FREM1: variants seen among roughly 807,000 people sequenced by gnomAD.
FREM1 encodes FRAS1 related extracellular matrix 1.
A neutral mutation model predicts 210.1 loss-of-function variants in FREM1; 220 were observed. That is an observed-to-expected ratio of 1.05 (90% CI 0.94 to 1.17). The LOEUF is 1.17. Among genes scored for constraint, FREM1 ranks in the 50% most tolerant of loss-of-function variants. The probability of loss-of-function intolerance (pLI) is 0.00; values close to 1 mark genes in which losing one functional copy is unlikely to be tolerated. For missense variants in FREM1, 3,454 were observed against 2,675.5 expected, an observed-to-expected ratio of 1.29 and a Z score of -6.42; for synonymous variants, 1,189 against 980.2, an observed-to-expected ratio of 1.21 and a Z score of -3.98.
At chr9:14,775,330 A>G (rs982116301) in intron 25 of FREM1, among the ~76,000 whole-genome samples, 3 of 152,182 alleles carry the variant, frequency 2.0e-5, no homozygotes, top group African/African-American at 7.2e-5. Flanking sequence ...TGAGGGGACC[A>G]TATCTCTTTC....
chr9:14,825,547 G>GTGTGTGTGTGTATATATATATATA lies in FREM1; in HGVS notation c.1882-556_1882-555insTATATATATATATACACACACACA. The stretch of plus-strand genomic sequence containing the variant: ...CATATATATATATATGTGTGTGTGT[G>GTGTGTGTGTGTATATATATATATA]TATATATATATATATATATATATAC... On this transcript the variant is annotated intron_variant, in intron 10 of 36. Transcript: ENST00000380880. Among the ~76,000 whole-genome samples the GTGTGTGTGTGTATATATATATATA allele has an allele frequency of 1.6e-3, 118 of 75,848 alleles. 1 individual carries two copies. Among genetic ancestry groups the GTGTGTGTGTGTATATATATATATA allele is most frequent in the Middle Eastern group, 8.1e-3 (1 of 124 alleles). The allele number at this position is 75,848 out of a possible 152,430, so 49.8% of individuals were successfully genotyped here.
intron 1 of FREM1, among the ~76,000 whole-genome samples, chr9:14,880,219 C>A (rs78324738): frequency 2.0e-5 from 3 of 152,016 alleles, no homozygotes; most frequent in African/African-American, 7.3e-5. Context: ...TTTAAGCCAC[C>A]CTGTCTACGG....
At position 14,776,092 on chromosome 9, in the gene FREM1, G is replaced by A; in HGVS notation, c.4554C>T (p.Ala1518=). ...VVTRNKGLRL[A]QGAVGLLSPD... is the part of the protein sequence containing the mutation. ...GGGAAAGCAGGCCCACGGCCCCTTG[G>A]GCCAGTCTCAACCCCTTGTTCCTGG... is the stretch of plus-strand genomic sequence containing the variant. The change falls in exon 25 of 37, where the codon GCC becomes GCT. Residue 1518 remains alanine, a synonymous_variant. Transcript: ENST00000380880. 3 of 1,611,030 alleles carry A rather than the reference G, an allele frequency of 1.9e-6. No individual in the cohort carries two copies. Among genetic ancestry groups the A allele is most frequent in the Non-Finnish European group, 2.5e-6 (3 of 1,177,856 alleles).
chr9:14,871,686 T>C (rs1367991763), intron 1 of FREM1, among the ~76,000 whole-genome samples: 2 of 152,174 alleles, frequency 1.3e-5, no homozygotes, highest in East Asian at 1.9e-4. Flanking sequence ...ATTTTGTCTT[T>C]TGTTTCCATT....
At position 14,842,350 on chromosome 9, in the gene FREM1, C is replaced by T. The variant is rs1364211457; in HGVS notation, c.1704G>A (p.Gly568=). The T allele has an allele frequency of 2.5e-6, 4 of 1,602,676 alleles. No individual in the cohort carries two copies. The highest frequency in any genetic ancestry group is 2.2e-5 in the East Asian group (1 of 44,774). ...CTGGCCCTGGCTTCTTCATGATCTC[C>T]CCAGCCTGTGGAGGCTTTGTGATAT... ...FFNITKPPQA[G]EIMKKPGPGL... is the part of the protein sequence containing the mutation. Residue 568 remains glycine (G), a synonymous_variant, in exon 9 of 37, where the codon GGG becomes GGA. Coordinates refer to ENST00000380880, the MANE Select transcript of FREM1 (RefSeq NM_001379081.2).
chr9:14,750,626 T>A (rs766725959), intron 29 of FREM1, among the ~76,000 whole-genome samples: 2 of 152,198 alleles, frequency 1.3e-5, no homozygotes, highest in Non-Finnish European at 1.5e-5. Context: ...AATCTCAAAA[T>A]CTTAATAGTT....
chr9:14,804,648 G>A (rs1818025492), intron 19 of FREM1, among the ~76,000 whole-genome samples: 1 of 152,000 alleles, frequency 6.6e-6, no homozygotes. Context: ...ACTTCCCAGT[G>A]GTATTATTTC....
Position 14,862,941 on chromosome 9 carries a change from G to T in FREM1, c.329+868C>A, listed in dbSNP as rs1227597260. On this transcript the variant is annotated intron_variant, in intron 3 of 36. Coordinates refer to ENST00000380880, the MANE Select transcript of FREM1 (RefSeq NM_001379081.2). ...AATAATGTTGCATTGAACTTTAAGT[G>T]CAAGTTCTTATGTAAAACATAAGTT... is the stretch of plus-strand genomic sequence containing the variant. Among the ~76,000 whole-genome samples the T allele has an allele frequency of 3.9e-5, 6 of 152,178 alleles. No homozygotes were observed. The East Asian group carries it at 1.2e-3, about 29-fold the overall frequency.
chr9:14,860,834 CGT>C (rs1242619743), intron 3 of FREM1, among the ~76,000 whole-genome samples: 6 of 115,094 alleles, frequency 5.2e-5, no homozygotes, highest in Admixed American at 9.4e-5. Context: ...TACATATATA[CGT>C]ATATATACAT....
chr9:14,884,988 G>T (rs1012191457), intron 1 of FREM1, among the ~76,000 whole-genome samples: 2 of 128,838 alleles, frequency 1.6e-5, no homozygotes, highest in African/African-American at 6.7e-5. Flanking sequence ...GCAGTGGTGC[G>T]ATCTCGGCTC....
At chr9:14,873,658 T>C (rs1165924948) in intron 1 of FREM1, among the ~76,000 whole-genome samples, 1 of 152,216 alleles carries the variant, frequency 6.6e-6, no homozygotes, top group Non-Finnish European at 1.5e-5. Context: ...TTTTTGTGTC[T>C]CTATTTCCTT....
intron 1 of FREM1, among the ~76,000 whole-genome samples, chr9:14,874,598 T>A (rs2131986976): frequency 6.6e-6 from 1 of 151,748 alleles, no homozygotes. Context: ...TACAGCACAC[T>A]GATGGTTCTT....
In FREM1 at chr9:14,740,128, GCCTC is replaced by G; in HGVS notation, c.6340+17_6340+20del. On this transcript the variant is annotated intron_variant, in intron 36 of 36. Coordinates refer to ENST00000380880, the MANE Select transcript of FREM1 (RefSeq NM_001379081.2). ...TGTCCTTGCCTCCCTCCTCAGTGCAGCCTCCCTCCCAGATACTTGCCTATCCAAA... is the reference window on the plus strand; with the variant it reads ...TGTCCTTGCCTCCCTCCTCAGTGCAGCCTCCCAGATACTTGCCTATCCAAA... 1 of 1,559,904 alleles carries G rather than the reference GCCTC, an allele frequency of 6.4e-7. No homozygotes were observed. Among genetic ancestry groups the G allele is most frequent in the Non-Finnish European group, 8.8e-7 (1 of 1,132,208 alleles).
intron 20 of FREM1, among the ~76,000 whole-genome samples, chr9:14,797,855 G>A (rs770730241): frequency 2.6e-5 from 4 of 152,084 alleles, no homozygotes; most frequent in Non-Finnish European, 5.9e-5. Flanking sequence ...ATTTGATTAA[G>A]GGTGTTATTT....
At chr9:14,747,076 C>A in intron 33 of FREM1, 25 bp from the exon 34 acceptor site, 1 of 1,612,600 alleles carries the variant, frequency 6.2e-7, no homozygotes, top group Non-Finnish European at 8.5e-7. Context: ...GGCAATTTAG[C>A]AATTTAGAAT....
chr9:14,846,045 CTG>C lies in FREM1; in HGVS notation c.1306_1307del (p.Gln436ValfsTer7), dbSNP rs1826544101. 6.2e-7 allele frequency: 1 copy of C among 1,605,370 alleles called. No individual in the cohort carries two copies. The highest frequency in any genetic ancestry group is 1.7e-5 in the Admixed American group (1 of 58,866). ...TGTCGTCATTGTCGACAACCTGAAA[CTG>C]TTCCCAAGTGATGGCTCGAGACTGC... is the stretch of plus-strand genomic sequence containing the variant. Reference protein sequence around the residue: ...EGQSRAITWEQFQVVDNDDIG... With the variant: ...EGQSRAITWEXFQVVDNDDIG... On this transcript the variant is annotated frameshift_variant, in exon 8 of 37. Transcript: ENST00000380880. LOFTEE classifies it high-confidence loss of function.
chr9:14,809,014 G>C (rs1401826137), intron 16 of FREM1, among the ~76,000 whole-genome samples: 1 of 152,170 alleles, frequency 6.6e-6, no homozygotes, highest in Non-Finnish European at 1.5e-5. Flanking sequence ...ATCTCATCTT[G>C]AATTGTAACT....
chr9:14,880,951 T>C (rs990601828), intron 1 of FREM1, among the ~76,000 whole-genome samples: 8 of 152,226 alleles, frequency 5.3e-5, no homozygotes, highest in Non-Finnish European at 1.2e-4. Flanking sequence ...GGCAGATATA[T>C]CTTTCTTCTC....
chr9:14,865,660 G>GTTGTGTGT (rs1368658704), intron 2 of FREM1, among the ~76,000 whole-genome samples: 1 of 86,296 alleles, frequency 1.2e-5, no homozygotes, highest in African/African-American at 6.4e-5. Flanking sequence ...TAATGTTTAG[G>GTTGTGTGT]CTGTGTGTGT....
Sources: allele counts gnomAD v4.1 joint callset (sites outside exome capture counted in the v4.1 genomes callset), GRCh38; gene constraint gnomAD v4.1.1; transcripts MANE v1.5; gene names NCBI Gene and HGNC (gene_info 2026-07-23, HGNC 2026-07-21).